Variants in FAM184A observed in about 807,000 individuals in gnomAD.
FAM184A encodes protein FAM184A.
A neutral mutation model predicts 143.8 loss-of-function variants in FAM184A; 99 were observed. The ratio of observed to expected loss-of-function variants is 0.69; its 90% confidence interval spans 0.58 to 0.81. The LOEUF is 0.81. Ranked by LOEUF, FAM184A falls within the 40% of genes least tolerant of loss-of-function variation. The pLI, the probability that FAM184A is intolerant of heterozygous loss-of-function variation, is 0.00. For missense variants in FAM184A, 1,217 were observed against 1,310.5 expected, an observed-to-expected ratio of 0.93 and a Z score of 1.10; for synonymous variants, 427 against 446.4, an observed-to-expected ratio of 0.96 and a Z score of 0.55.
chr6:119,129,211 A>G (rs1789461737), intron 1 of FAM184A, among the ~76,000 whole-genome samples: 1 of 152,158 alleles, frequency 6.6e-6, no homozygotes, highest in Non-Finnish European at 1.5e-5. Flanking sequence ...TCCCCCTAAA[A>G]TGTAAGAAAA....
chr6:119,019,949 G>C lies in FAM184A; in HGVS notation c.1332+29C>G. The C allele has an allele frequency of 2.0e-6, 3 of 1,478,172 alleles. No individual in the cohort carries two copies. The South Asian group carries it at 4.3e-5, about 21-fold the overall frequency. 91.6% of individuals were successfully genotyped at this position (1,478,172 alleles called of 1,614,324 possible). A position where few individuals can be genotyped will look rare whatever the true frequency, so the allele number is the denominator to read the frequency against. On this transcript the variant is annotated intron_variant, in intron 4 of 17. Transcript: ENST00000338891. ...AAAAGAGAAAAACGGAACTCTTTCG[G>C]GGGGAATGGAGTGTCCATTACTTTT...
At chr6:119,079,029 ATT>A (rs1224966739), upstream of FAM184A, 6 of 151,880 alleles carry the variant, frequency 4.0e-5, no homozygotes, top group East Asian at 1.2e-3. Context: ...ACGGGTGTCG[ATT>A]TACAGACCCT....
intron 1 of FAM184A, among the ~76,000 whole-genome samples, chr6:119,096,318 T>A (rs1487048127): frequency 6.6e-6 from 1 of 152,230 alleles, no homozygotes; most frequent in Non-Finnish European, 1.5e-5. Context: ...AAAGGAGTAC[T>A]TTACACTGCT....
intron 1 of FAM184A, among the ~76,000 whole-genome samples, chr6:119,043,536 G>A (rs938903749): frequency 6.6e-6 from 1 of 152,054 alleles, no homozygotes; most frequent in Non-Finnish European, 1.5e-5. Flanking sequence ...CCACTGCAGG[G>A]AAAGCACAAA....
At chr6:119,144,648 C>T (rs1017213750) in intron 1 of FAM184A, among the ~76,000 whole-genome samples, 1 of 152,214 alleles carries the variant, frequency 6.6e-6, no homozygotes, top group African/African-American at 2.4e-5. Flanking sequence ...TGCATTTCTT[C>T]TTTATTTTGC....
intron 1 of FAM184A, among the ~76,000 whole-genome samples, chr6:119,054,231 C>A (rs970854641): frequency 6.6e-6 from 1 of 152,168 alleles, no homozygotes; most frequent in Non-Finnish European, 1.5e-5. Flanking sequence ...GAATTACAAT[C>A]AAAATGAATC....
At chr6:119,053,951 A>G (rs772525030) in intron 1 of FAM184A, among the ~76,000 whole-genome samples, 9 of 152,222 alleles carry the variant, frequency 5.9e-5, no homozygotes, top group African/African-American at 1.4e-4. Flanking sequence ...GGCACTACAC[A>G]TAGTTTAATG....
chr6:119,102,784 C>CAA (rs58686018), intron 1 of FAM184A, among the ~76,000 whole-genome samples: 3,156 of 30,026 alleles, frequency 0.11, 604 homozygotes, highest in African/African-American at 0.25. Flanking sequence ...GACTCCATCT[C>CAA]AAAAAAAAAA....
intron 6 of FAM184A, 85 bp downstream of exon 6, chr6:119,011,224 G>T: frequency 8.6e-7 from 1 of 1,169,392 alleles, no homozygotes; most frequent in Non-Finnish European, 1.2e-6. Flanking sequence ...CCTTTACTGA[G>T]ACTTACCTAC....
chr6:118,961,740 C>T (rs1479845257), intron 17 of FAM184A, 21 bp downstream of exon 17: 8 of 1,593,226 alleles, frequency 5.0e-6, no homozygotes, highest in Non-Finnish European at 6.0e-6. Flanking sequence ...AAGAAAAAAA[C>T]ATTGGTGAGA....
intron 14 of FAM184A, among the ~76,000 whole-genome samples, chr6:118,968,628 C>A (rs1783573160): frequency 6.6e-6 from 1 of 152,214 alleles, no homozygotes; most frequent in African/African-American, 2.4e-5. Flanking sequence ...GTCACTGGAG[C>A]ACTTTCTTTT....
chr6:118,990,234 A>C (rs1784334251), intron 9 of FAM184A, among the ~76,000 whole-genome samples: 1 of 152,240 alleles, frequency 6.6e-6, no homozygotes, highest in African/African-American at 2.4e-5. Flanking sequence ...AGGTGTCATC[A>C]GACAAAATAT....
chr6:119,023,873 GT>G, intron 2 of FAM184A, 85 bp downstream of exon 2: 1 of 1,060,482 alleles, frequency 9.4e-7, no homozygotes, highest in Non-Finnish European at 1.3e-6. Context: ...CTGATTCTAA[GT>G]GGGCCAGACT....
chr6:118,987,008 G>C (rs2051055), intron 9 of FAM184A, among the ~76,000 whole-genome samples: 14 of 152,056 alleles, frequency 9.2e-5, no homozygotes, highest in Admixed American at 3.9e-4. Flanking sequence ...ATAGAAAAAA[G>C]ACTGAATATG....
chr6:119,023,094 A>C lies in FAM184A; in HGVS notation c.1015-14T>G, dbSNP rs571451923. ...TTTTTGAAGAACCTAAGAAAGATTAAATAGCCATTGTTAAAATGCAGGAAT... is the reference window on the plus strand; with the variant it reads ...TTTTTGAAGAACCTAAGAAAGATTACATAGCCATTGTTAAAATGCAGGAAT... On this transcript the variant is annotated splice_polypyrimidine_tract_variant and intron_variant, in intron 2 of 17. Coordinates refer to ENST00000338891, the MANE Select transcript of FAM184A (RefSeq NM_024581.6). The C allele has an allele frequency of 1.2e-6, 2 of 1,612,728 alleles. No individual in the cohort carries two copies. Among genetic ancestry groups the C allele is most frequent in the South Asian group, 2.2e-5 (2 of 91,012 alleles).
intron 1 of FAM184A, among the ~76,000 whole-genome samples, chr6:119,040,262 A>G (rs1030150311): frequency 7.2e-5 from 11 of 152,306 alleles, no homozygotes; most frequent in Non-Finnish European, 2.9e-5. Context: ...TGCCGCCGGT[A>G]ACTCGGGGTA....
intron 11 of FAM184A, among the ~76,000 whole-genome samples, chr6:118,976,742 A>G (rs1281938653): frequency 1.3e-5 from 2 of 152,196 alleles, no homozygotes; most frequent in Admixed American, 6.5e-5. Context: ...TCACCCAAAT[A>G]AGAATTCTTC....
At chr6:119,103,006 A>C (rs1474831827) in intron 1 of FAM184A, among the ~76,000 whole-genome samples, 1 of 152,106 alleles carries the variant, frequency 6.6e-6, no homozygotes, top group Non-Finnish European at 1.5e-5. Context: ...TCTTCATGCA[A>C]TTCTGGAGTA....
chr6:119,016,649 C>G, intron 5 of FAM184A, 98 bp downstream of exon 5: 1 of 1,052,514 alleles, frequency 9.5e-7, no homozygotes, highest in Non-Finnish European at 1.4e-6. Flanking sequence ...TGGGTTTATT[C>G]TTGAAGTCAG....
Sources: allele counts gnomAD v4.1 joint callset (sites outside exome capture counted in the v4.1 genomes callset), GRCh38; gene constraint gnomAD v4.1.1; transcripts MANE v1.5; gene names NCBI Gene and HGNC (gene_info 2026-07-23, HGNC 2026-07-21).